Variants in ST8SIA3 observed in about 807,000 individuals in gnomAD.
The protein encoded by ST8SIA3 is alpha-N-acetylneuraminate alpha-2,8-sialyltransferase ST8SIA3.
In ST8SIA3, 17 loss-of-function variants were observed where a neutral mutation model predicts 34.5. The ratio of observed to expected loss-of-function variants is 0.49; its 90% CI spans 0.34 to 0.74. The LOEUF is 0.74. Among genes scored for constraint, ST8SIA3 ranks in the 30% least tolerant of loss-of-function variants. The probability of loss-of-function intolerance (pLI) is 0.01; values close to 1 mark genes in which losing one functional copy is unlikely to be tolerated. For missense variants in ST8SIA3, 354 were observed against 467.8 expected, an observed-to-expected ratio of 0.76 and a Z score of 2.24; for synonymous variants, 172 against 176.1, an observed-to-expected ratio of 0.98 and a Z score of 0.19.
Position 57,352,869 on chromosome 18 carries a change from G to A in ST8SIA3, c.23G>A (p.Arg8Gln), listed in dbSNP as rs778352785. 8 of 1,613,476 alleles carry A rather than the reference G, an allele frequency of 5.0e-6. No homozygotes were observed. Among genetic ancestry groups the A allele is most frequent in the African/African-American group, 1.3e-5 (1 of 74,850 alleles). The change falls in exon 1 of 4, where the codon CGG becomes CAG. Residue 8 changes from arginine to glutamine, a missense_variant. By Grantham distance (43) the Arg-to-Gln change is conservative. This residue lies in a region of ST8SIA3 where 184 missense variants were observed against 205.4 expected (regional missense o/e 0.90). Transcript: ENST00000324000. MRNCKMA[R>Q]VASVLGLVML... The stretch of plus-strand genomic sequence containing the variant: ...GGGATGAGAAACTGCAAAATGGCCC[G>A]GGTCGCCAGTGTGCTGGGGCTGGTC...
rs924486753 is a variant in ST8SIA3, at chr18:57,354,392, T to A, written c.180-10T>A. 6.2e-7 allele frequency: 1 copy of A among 1,613,938 alleles called. No homozygotes were observed. The highest frequency in any genetic ancestry group is 1.3e-5 in the African/African-American group (1 of 75,026). On this transcript the variant is annotated splice_polypyrimidine_tract_variant and intron_variant, in intron 1 of 3. Coordinates refer to ENST00000324000, the MANE Select transcript of ST8SIA3 (RefSeq NM_015879.3). The stretch of plus-strand genomic sequence containing the variant: ...CCAGCACGCTTGTCTGTGCTCATGC[T>A]CCTCTCCAGGTCACAATTTGCGCTG...
In ST8SIA3 at chr18:57,356,929, C is replaced by T; in HGVS notation, c.319C>T (p.His107Tyr). Reference sequence around the variant, plus strand: ...TTATTTTAGGCAAGAAATTCTTCAGCATGTCGATGTAATAAAAAATTTTTC... The same window carrying T: ...TTATTTTAGGCAAGAAATTCTTCAGTATGTCGATGTAATAAAAAATTTTTC... ...FLHQRQEILQ[H>Y]VDVIKNFSLT... Residue 107 changes from histidine (H) to tyrosine (Y), a missense_variant, in exon 3 of 4, where the codon CAT (histidine) becomes TAT (tyrosine). Around this residue, in one of 3 missense-constraint regions of ST8SIA3, gnomAD observed 184 missense variants for 205.4 expected, o/e 0.90. Coordinates refer to ENST00000324000, the MANE Select transcript of ST8SIA3 (RefSeq NM_015879.3). 1.3e-6 allele frequency: 2 copies of T among 1,592,780 alleles called. No individual in the cohort carries two copies.
chr18:57,354,415 C>G lies in ST8SIA3; in HGVS notation c.193C>G (p.Leu65Val). Reference protein sequence around the residue: ...FHAGFRSQFALKFLDPSFVPI... With the variant: ...FHAGFRSQFAVKFLDPSFVPI... ...GCTCCTCTCCAGGTCACAATTTGCG[C>G]TGAAGTTTCTAGACCCGTCATTCGT... is the stretch of plus-strand genomic sequence containing the variant. Residue 65 changes from leucine to valine, a missense_variant, in exon 2 of 4, where the codon CTG (leucine) becomes GTG (valine). This residue lies in a region of ST8SIA3 where 184 missense variants were observed against 205.4 expected (regional missense o/e 0.90). Coordinates refer to ENST00000324000, the MANE Select transcript of ST8SIA3 (RefSeq NM_015879.3). The G allele has an allele frequency of 6.2e-7, 1 of 1,614,140 alleles. No homozygotes were observed. The highest frequency in any genetic ancestry group is 1.1e-5 in the South Asian group (1 of 91,074).
rs373188316 is a variant in ST8SIA3, at chr18:57,360,247, C to T, written c.1113C>T (p.Leu371=). 55 of 1,613,928 alleles carry T rather than the reference C, an allele frequency of 3.4e-5. No homozygotes were observed. The highest frequency in any genetic ancestry group is 2.1e-4 in the South Asian group (19 of 91,076). ...TGTACCGAATGCATGGGGAAGGGCT[C>T]ACCAAGCTGACTCTGTCACACTGTG... ...QLLYRMHGEG[L]TKLTLSHCA is the part of the protein sequence containing the mutation. The change falls in exon 4 of 4, where the codon CTC becomes CTT. Residue 371 remains leucine, a synonymous_variant. Coordinates refer to ENST00000324000, the MANE Select transcript of ST8SIA3 (RefSeq NM_015879.3).
In ST8SIA3 at chr18:57,360,305, C is replaced by G; in HGVS notation, c.*28C>G. 6.3e-7 allele frequency: 1 copy of G among 1,598,648 alleles called. No individual in the cohort carries two copies. Among genetic ancestry groups the G allele is most frequent in the Non-Finnish European group, 8.5e-7 (1 of 1,170,576 alleles). On this transcript the variant is annotated 3_prime_UTR_variant, in exon 4 of 4. Transcript: ENST00000324000. ...ACTCCAAACGGAAAGCGCCAAATGG[C>G]TGTTTAAAAAGTGCCCCAAATCAAA...
In ST8SIA3 at chr18:57,362,824, TAA is replaced by T. The variant is rs1010403203; in HGVS notation, c.*2549_*2550del. On this transcript the variant is annotated 3_prime_UTR_variant, in exon 4 of 4. Transcript: ENST00000324000. Reference sequence around the variant, plus strand: ...ACCATGCAAAATCTCTGTTTGTTTTTAAAGACTGTTTCAAAGATTAAATCTAT... The same window carrying T: ...ACCATGCAAAATCTCTGTTTGTTTTTAGACTGTTTCAAAGATTAAATCTAT... 5 of 152,230 alleles carry T rather than the reference TAA, an allele frequency of 3.3e-5. No individual in the cohort carries two copies. Among genetic ancestry groups the T allele is most frequent in the African/African-American group, 9.6e-5 (4 of 41,460 alleles). The allele number at this position is 152,230 out of a possible 1,614,324, so 9.4% of individuals were successfully genotyped here.
chr18:57,354,415 C>T lies in ST8SIA3; in HGVS notation c.193C>T (p.Leu65=). The T allele has an allele frequency of 6.2e-7, 1 of 1,614,140 alleles. No homozygotes were observed. The highest frequency in any genetic ancestry group is 8.5e-7 in the Non-Finnish European group (1 of 1,179,992). The change falls in exon 2 of 4, where the codon CTG becomes TTG. Residue 65 remains leucine (L), a synonymous_variant. Coordinates refer to ENST00000324000, the MANE Select transcript of ST8SIA3 (RefSeq NM_015879.3). ...FHAGFRSQFA[L]KFLDPSFVPI... is the part of the protein sequence containing the mutation. ...GCTCCTCTCCAGGTCACAATTTGCG[C>T]TGAAGTTTCTAGACCCGTCATTCGT...
At position 57,352,889 on chromosome 18, in the gene ST8SIA3, C is replaced by T. The variant is rs1443087835; in HGVS notation, c.43C>T (p.Leu15=). The part of the protein sequence containing the change: ...KMARVASVLG[L]VMLSVALLIL... ...GGCCCGGGTCGCCAGTGTGCTGGGG[C>T]TGGTCATGCTCAGCGTCGCCCTGCT... The change falls in exon 1 of 4, where the codon CTG becomes TTG. Residue 15 remains leucine (L), a synonymous_variant. Coordinates refer to ENST00000324000, the MANE Select transcript of ST8SIA3 (RefSeq NM_015879.3). 1 of 1,613,684 alleles carries T rather than the reference C, an allele frequency of 6.2e-7. No individual in the cohort carries two copies. Among genetic ancestry groups the T allele is most frequent in the Non-Finnish European group, 8.5e-7 (1 of 1,180,000 alleles).
Position 57,368,393 on chromosome 18 carries a change from A to G in ST8SIA3, c.*8116A>G, listed in dbSNP as rs2049872862. The G allele has an allele frequency of 6.6e-6, 1 of 150,518 alleles. No homozygotes were observed. The highest frequency in any genetic ancestry group is 2.5e-5 in the African/African-American group (1 of 39,800). 9.3% of individuals were successfully genotyped at this position (150,518 alleles called of 1,614,324 possible). ...AAGAATAGCGAATGTAAGTTATTAA[A>G]TAAATGAGCAAGAAGTATGTGTCAG... On this transcript the variant is annotated 3_prime_UTR_variant, in exon 4 of 4. Coordinates refer to ENST00000324000, the MANE Select transcript of ST8SIA3 (RefSeq NM_015879.3).
rs895021217 is a variant in ST8SIA3, at chr18:57,362,459, C to G, written c.*2182C>G. The G allele has an allele frequency of 2.6e-5, 4 of 152,140 alleles. No homozygotes were observed. The highest frequency in any genetic ancestry group is 6.5e-5 in the Admixed American group (1 of 15,274). The allele number at this position is 152,140 out of a possible 1,614,324, so 9.4% of individuals were successfully genotyped here. A position where few individuals can be genotyped will look rare whatever the true frequency, so the allele number is the denominator to read the frequency against. On this transcript the variant is annotated 3_prime_UTR_variant, in exon 4 of 4. Transcript: ENST00000324000. ...CAAGAAGATTAAAAGAGGAAAAGAC[C>G]AGAATCTCTAAAAAACAGTTTACTG... is the stretch of plus-strand genomic sequence containing the variant.
In ST8SIA3 at chr18:57,360,299, A is replaced by C. The variant is rs1416986386; in HGVS notation, c.*22A>C. On this transcript the variant is annotated 3_prime_UTR_variant, in exon 4 of 4. Coordinates refer to ENST00000324000, the MANE Select transcript of ST8SIA3 (RefSeq NM_015879.3). The stretch of plus-strand genomic sequence containing the variant: ...CTAAGAACTCCAAACGGAAAGCGCC[A>C]AATGGCTGTTTAAAAAGTGCCCCAA... 6.2e-7 allele frequency: 1 copy of C among 1,602,354 alleles called. No homozygotes were observed. The highest frequency in any genetic ancestry group is 1.3e-5 in the African/African-American group (1 of 74,478).
In ST8SIA3 at chr18:57,363,068, C is replaced by T. The variant is rs960390872; in HGVS notation, c.*2791C>T. The T allele has an allele frequency of 6.6e-6, 1 of 152,194 alleles. No homozygotes were observed. Among genetic ancestry groups the T allele is most frequent in the Admixed American group, 6.5e-5 (1 of 15,282 alleles). The allele number at this position is 152,194 out of a possible 1,614,324, so 9.4% of individuals were successfully genotyped here. A position where few individuals can be genotyped will look rare whatever the true frequency, so the allele number is the denominator to read the frequency against. ...TTTGTTAGTTCTAGACTAATTTATC[C>T]TTTTGTCAGACACTTTCCCTTTTTT... On this transcript the variant is annotated 3_prime_UTR_variant, in exon 4 of 4. Transcript: ENST00000324000.
In ST8SIA3 at chr18:57,352,994, C is replaced by T; in HGVS notation, c.148C>T (p.Pro50Ser). The stretch of plus-strand genomic sequence containing the variant: ...TCCCAAGTACGCCAGCCCGGGGGCG[C>T]CCCGAATGTACATGTTCCACGCGGG... ...TTPKYASPGA[P>S]RMYMFHAGFR... The change falls in exon 1 of 4, where the codon CCC becomes TCC. Residue 50 changes from proline to serine, a missense_variant. Around this residue, in one of 3 missense-constraint regions of ST8SIA3, gnomAD observed 184 missense variants for 205.4 expected, o/e 0.90. Coordinates refer to ENST00000324000, the MANE Select transcript of ST8SIA3 (RefSeq NM_015879.3). The T allele has an allele frequency of 6.2e-7, 1 of 1,611,048 alleles. No homozygotes were observed. The highest frequency in any genetic ancestry group is 8.5e-7 in the Non-Finnish European group (1 of 1,179,940).
In ST8SIA3 at chr18:57,352,732, TCACACACACACACACACACACA is replaced by T. The variant is rs59006823; in HGVS notation, c.-98_-77del. On this transcript the variant is annotated 5_prime_UTR_variant, in exon 1 of 4. Transcript: ENST00000324000. ...CCTCCTCCGCCACACGCGCGCGCGC[TCACACACACACACACACACACA>T]CACACACACACACACATATATACAC... 6 of 390,402 alleles carry T rather than the reference TCACACACACACACACACACACA, an allele frequency of 1.5e-5. No individual in the cohort carries two copies. Among genetic ancestry groups the T allele is most frequent in the African/African-American group, 5.2e-5 (2 of 38,328 alleles). The allele number at this position is 390,402 out of a possible 1,614,324, so 24.2% of individuals were successfully genotyped here.
Position 57,362,840 on chromosome 18 carries a change from G to T in ST8SIA3, c.*2563G>T, listed in dbSNP as rs1299563628. ...GTTTGTTTTTAAAGACTGTTTCAAA[G>T]ATTAAATCTATACAACCACTTTTAT... On this transcript the variant is annotated 3_prime_UTR_variant, in exon 4 of 4. Transcript: ENST00000324000. 1.3e-5 allele frequency: 2 copies of T among 152,228 alleles called. No individual in the cohort carries two copies. The highest frequency in any genetic ancestry group is 4.8e-5 in the African/African-American group (2 of 41,466). The allele number at this position is 152,228 out of a possible 1,614,324, so 9.4% of individuals were successfully genotyped here. A position where few individuals can be genotyped will look rare whatever the true frequency, so the allele number is the denominator to read the frequency against.
In ST8SIA3 at chr18:57,360,340, C is replaced by A; in HGVS notation, c.*63C>A. On this transcript the variant is annotated 3_prime_UTR_variant, in exon 4 of 4. Coordinates refer to ENST00000324000, the MANE Select transcript of ST8SIA3 (RefSeq NM_015879.3). Reference sequence around the variant, plus strand: ...AGTGCCCCAAATCAAATTGAATAGCCTTCAGAATAGAACCCTAGAGAATGT... The same window carrying A: ...AGTGCCCCAAATCAAATTGAATAGCATTCAGAATAGAACCCTAGAGAATGT... The A allele has an allele frequency of 6.8e-7, 1 of 1,474,316 alleles. No individual in the cohort carries two copies. 91.3% of individuals were successfully genotyped at this position (1,474,316 alleles called of 1,614,324 possible).
Position 57,361,417 on chromosome 18 carries a change from C to T in ST8SIA3, c.*1140C>T, listed in dbSNP as rs1245729913. On this transcript the variant is annotated 3_prime_UTR_variant, in exon 4 of 4. Coordinates refer to ENST00000324000, the MANE Select transcript of ST8SIA3 (RefSeq NM_015879.3). ...CTAGTGCTGAGGTGCGATCGTTTTC[C>T]GTATCATTGTGTGCACCACCACCAA... 2 of 152,572 alleles carry T rather than the reference C, an allele frequency of 1.3e-5. No homozygotes were observed. Among genetic ancestry groups the T allele is most frequent in the African/African-American group, 4.8e-5 (2 of 41,434 alleles). The allele number at this position is 152,572 out of a possible 1,614,324, so 9.5% of individuals were successfully genotyped here.
chr18:57,352,641 C>T lies in ST8SIA3; in HGVS notation c.-206C>T, dbSNP rs2049769305. On this transcript the variant is annotated 5_prime_UTR_variant, in exon 1 of 4. Coordinates refer to ENST00000324000, the MANE Select transcript of ST8SIA3 (RefSeq NM_015879.3). ...CCCCTGCCTACGGGGTCCCGCTGCT[C>T]TCCGGGGCTCCTGCCAGCCCCAACC... The T allele has an allele frequency of 1.7e-6, 1 of 581,684 alleles. No homozygotes were observed. Among genetic ancestry groups the T allele is most frequent in the Non-Finnish European group, 3.1e-6 (1 of 326,126 alleles). The allele number at this position is 581,684 out of a possible 1,614,324, so 36.0% of individuals were successfully genotyped here. A position where few individuals can be genotyped will look rare whatever the true frequency, so the allele number is the denominator to read the frequency against.
chr18:57,362,162 T>C lies in ST8SIA3; in HGVS notation c.*1885T>C, dbSNP rs1401648858. 1.3e-5 allele frequency: 2 copies of C among 152,236 alleles called. No individual in the cohort carries two copies. The highest frequency in any genetic ancestry group is 4.8e-5 in the African/African-American group (2 of 41,462). The allele number at this position is 152,236 out of a possible 1,614,324, so 9.4% of individuals were successfully genotyped here. On this transcript the variant is annotated 3_prime_UTR_variant, in exon 4 of 4. Transcript: ENST00000324000. ...AAAAACATTTTGTAATTCAGTGGTA[T>C]AATTTGATGGGTATCACAACCACAC...
Sources: gnomAD v4.1 joint callset for allele counts on GRCh38, gnomAD v4.1.1 for gene constraint, gnomAD v4.1.1 regional missense constraint, MANE v1.5 for transcripts, NCBI Gene and HGNC (gene_info 2026-07-23, HGNC 2026-07-21) for gene names.